IL1RAPL1: variants seen among roughly 807,000 people sequenced by gnomAD.
IL1RAPL1 encodes the protein interleukin-1 receptor accessory protein-like 1.
Under a neutral mutation model 48.4 loss-of-function variants are expected in IL1RAPL1, and 3 were observed. That is an observed-to-expected ratio of 0.06 (90% CI 0.03 to 0.16). The LOEUF is 0.16. IL1RAPL1 is among the 10% of genes least tolerant of loss of function. The pLI is 1.00. For synonymous variants in IL1RAPL1, 185 were observed against 187.7 expected (o/e 0.99, Z 0.12); for missense variants, 349 against 530.6 (o/e 0.66, Z 3.36).
At chrX:29,766,341 AAATATAT>A (rs1276598489) in intron 6 of IL1RAPL1, among the ~76,000 whole-genome samples, 8 of 73,983 alleles carry the variant, frequency 1.1e-4, no homozygotes, top group Non-Finnish European at 1.6e-4. Flanking sequence ...AAAAAAAAAA[AAATATAT>A]ATATATATAT....
At position 29,790,272 on chromosome X, in the gene IL1RAPL1, G is replaced by GT. The variant is rs930093573; in HGVS notation, c.778+121774dup. 5.4e-5 allele frequency among the ~76,000 whole-genome samples: 6 copies of GT among 111,809 alleles called. No homozygotes were observed. In the Admixed American group the frequency reaches 5.7e-4, roughly 11 times the overall value. On this transcript the variant is annotated intron_variant, in intron 6 of 10. Transcript: ENST00000378993. ...TAGAAAATATTTCATCCCTTTCCCT[G>GT]TTTTTTGTGTAGGTTTATGTCCTTT...
rs1921095855 is a variant in IL1RAPL1, at chrX:29,533,041, TG to T, written c.703+133735del. Among the ~76,000 whole-genome samples the T allele has an allele frequency of 4.5e-5, 5 of 112,322 alleles. No individual in the cohort carries two copies. The South Asian group carries it at 1.8e-3, about 41-fold the overall frequency. ...GAGACATAACAGTCTAATAAAAACC[TG>T]GCAGAACTTGTCAGAACTCATCTTT... On this transcript the variant is annotated intron_variant, in intron 5 of 10. Coordinates refer to ENST00000378993, the MANE Select transcript of IL1RAPL1 (RefSeq NM_014271.4).
chrX:29,631,408 A>T (rs1369974420), intron 5 of IL1RAPL1, among the ~76,000 whole-genome samples: 1 of 110,752 alleles, frequency 9.0e-6, no homozygotes, highest in Non-Finnish European at 1.9e-5. Context: ...GGTAGCTGGG[A>T]CTACATACGT....
chrX:29,803,246 T>TGC, intron 6 of IL1RAPL1, among the ~76,000 whole-genome samples: 1 of 36,360 alleles, frequency 2.8e-5, no homozygotes, highest in Non-Finnish European at 5.4e-5. Context: ...TATATATGTA[T>TGC]ACATATACAC....
chrX:29,843,803 C>T (rs1931190877), intron 6 of IL1RAPL1, among the ~76,000 whole-genome samples: 1 of 109,806 alleles, frequency 9.1e-6, no homozygotes, highest in South Asian at 4.0e-4. Context: ...GTGTGTCTCT[C>T]TCTCTCATCT....
intron 2 of IL1RAPL1, among the ~76,000 whole-genome samples, chrX:29,264,738 C>T (rs1931922171): frequency 9.0e-6 from 1 of 110,615 alleles, no homozygotes; most frequent in Non-Finnish European, 1.9e-5. Flanking sequence ...TTCTCAATTA[C>T]TCTCTATGTA....
At chrX:29,919,507 A>C (rs970978230) in intron 7 of IL1RAPL1, among the ~76,000 whole-genome samples, 4 of 112,498 alleles carry the variant, frequency 3.6e-5, no homozygotes, top group Admixed American at 1.9e-4. Flanking sequence ...CAAAAGTCAG[A>C]CTGAACATTT....
chrX:29,235,737 G>A (rs1340755107), intron 2 of IL1RAPL1, among the ~76,000 whole-genome samples: 3 of 112,176 alleles, frequency 2.7e-5, no homozygotes, highest in Non-Finnish European at 3.8e-5. Flanking sequence ...TCATAAAAAG[G>A]CAAATATAGT....
intron 9 of IL1RAPL1, among the ~76,000 whole-genome samples, chrX:29,944,450 A>G (rs1288232357): frequency 2.7e-5 from 3 of 111,868 alleles, no homozygotes; most frequent in Non-Finnish European, 5.6e-5. Flanking sequence ...AGCAAGTTTA[A>G]AATCTATATC....
chrX:29,546,922 C>G (rs1359074081), intron 5 of IL1RAPL1, among the ~76,000 whole-genome samples: 2 of 111,502 alleles, frequency 1.8e-5, no homozygotes, highest in Non-Finnish European at 3.8e-5. Context: ...TTACTTAGCT[C>G]TCCAAATAGG....
intron 6 of IL1RAPL1, among the ~76,000 whole-genome samples, chrX:29,802,894 CATAT>C (rs777394622): frequency 1.5e-5 from 1 of 67,562 alleles, no homozygotes; most frequent in Non-Finnish European, 2.7e-5. Context: ...TATATGTATA[CATAT>C]ATATGTGTAT....
chrX:29,880,839 C>T (rs1002723429), intron 6 of IL1RAPL1, among the ~76,000 whole-genome samples: 29 of 110,979 alleles, frequency 2.6e-4, no homozygotes, highest in South Asian at 7.6e-4. Flanking sequence ...TGGAAGCTAC[C>T]TTTATTAAGA....
chrX:29,091,584 A>C (rs1207669358), intron 2 of IL1RAPL1, among the ~76,000 whole-genome samples: 1 of 111,687 alleles, frequency 9.0e-6, no homozygotes, highest in Non-Finnish European at 1.9e-5. Context: ...TTTGCCCTTT[A>C]AGTTCATTAA....
At chrX:29,703,049 G>A (rs1450429349) in intron 6 of IL1RAPL1, among the ~76,000 whole-genome samples, 3 of 111,427 alleles carry the variant, frequency 2.7e-5, no homozygotes, top group African/African-American at 6.5e-5. Context: ...AATGAGTATC[G>A]GAGAGGTCAA....
intron 1 of IL1RAPL1, among the ~76,000 whole-genome samples, chrX:28,708,577 A>C (rs1440623383): frequency 8.9e-6 from 1 of 112,216 alleles, no homozygotes; most frequent in African/African-American, 3.2e-5. Context: ...AAATGAATGG[A>C]TAAAGAAAAT....
chrX:28,906,716 G>T (rs1923226097), intron 2 of IL1RAPL1, among the ~76,000 whole-genome samples: 1 of 111,530 alleles, frequency 9.0e-6, no homozygotes, highest in African/African-American at 3.3e-5. Flanking sequence ...AATAAATTAA[G>T]ATATTTTACA....
Position 29,310,624 on chromosome X carries a change from C to T in IL1RAPL1, c.362+27407C>T, listed in dbSNP as rs1043745684. On this transcript the variant is annotated intron_variant, in intron 3 of 10. Transcript: ENST00000378993. Reference sequence around the variant, plus strand: ...AGGTGCTCAATTGAGAAATCACACACACACACACAACTTTAATTATAAGAA... The same window carrying T: ...AGGTGCTCAATTGAGAAATCACACATACACACACAACTTTAATTATAAGAA... Among the ~76,000 whole-genome samples, 19 of 111,788 alleles carry T rather than the reference C, an allele frequency of 1.7e-4. No individual in the cohort carries two copies. In the Admixed American group the frequency reaches 1.7e-3, roughly 10 times the overall value.
intron 6 of IL1RAPL1, among the ~76,000 whole-genome samples, chrX:29,696,483 A>G (rs1325560164): frequency 8.9e-6 from 1 of 112,087 alleles, no homozygotes; most frequent in Non-Finnish European, 1.9e-5. Context: ...AAAAGTACAC[A>G]TATATCATCC....
chrX:29,800,507 CACACACACATGCAGACACACACACAA>C (rs1184610778), intron 6 of IL1RAPL1, among the ~76,000 whole-genome samples: 3 of 110,054 alleles, frequency 2.7e-5, no homozygotes, highest in African/African-American at 6.6e-5. Flanking sequence ...CACACACACA[CACACACACATGCAGACACACACACAA>C]ACACACACAT....
Sources: allele counts gnomAD v4.1 joint callset (sites outside exome capture counted in the v4.1 genomes callset), GRCh38; gene constraint gnomAD v4.1.1; transcripts MANE v1.5; gene names NCBI Gene and HGNC (gene_info 2026-07-23, HGNC 2026-07-21).